The following SYNPR variants were observed in gnomAD, a reference collection of about 807,000 sequenced individuals.
SYNPR encodes the protein synaptoporin.
SYNPR carries 23 observed loss-of-function variants against 32.9 expected under a neutral mutation model. The observed-to-expected ratio is 0.70, with a 90% CI of 0.50 to 0.99. SYNPR has a LOEUF of 0.99. Ranked by LOEUF, SYNPR falls within the 50% of genes least tolerant of loss-of-function variation. The pLI is 0.00. For missense variants in SYNPR, 318 were observed against 349.3 expected (o/e 0.91, Z 0.71); for synonymous variants, 146 against 135.9 (o/e 1.07, Z -0.52).
intron 2 of SYNPR, among the ~76,000 whole-genome samples, chr3:63,401,739 G>A (rs546168949): frequency 2.6e-5 from 4 of 152,266 alleles, no homozygotes; most frequent in African/African-American, 9.6e-5. Context: ...TATTCTTGAT[G>A]GACATCACTA....
intron 2 of SYNPR, among the ~76,000 whole-genome samples, chr3:63,391,191 A>G (rs1003437039): frequency 6.6e-6 from 1 of 151,862 alleles, no homozygotes; most frequent in African/African-American, 2.4e-5. Context: ...GCTATCTACC[A>G]CTCATCCTTC....
rs1460073596 is a variant in SYNPR at position 63,450,959 on chromosome 3, C to A, written c.85-29873C>A. On this transcript the variant is annotated intron_variant, in intron 2 of 5. Coordinates refer to ENST00000478300, the MANE Select transcript of SYNPR (RefSeq NM_001130003.2). ...TTCCCAAAAAGAAAACTATCTTCTA[C>A]CTGCATTGCCTCAGAGCACTCAAAC... Among the ~76,000 whole-genome samples the A allele has an allele frequency of 2.0e-5, 3 of 152,296 alleles. No individual in the cohort carries two copies. In the East Asian group the frequency reaches 5.8e-4, roughly 29 times the overall value.
intron 4 of SYNPR, among the ~76,000 whole-genome samples, chr3:63,584,633 G>A (rs1703151012): frequency 6.6e-6 from 1 of 152,064 alleles, no homozygotes; most frequent in Admixed American, 6.6e-5. Flanking sequence ...TTGAAATCGG[G>A]TCCGTGGGTA....
At chr3:63,367,659 C>T (rs984762870) in intron 2 of SYNPR, among the ~76,000 whole-genome samples, 1 of 152,124 alleles carries the variant, frequency 6.6e-6, no homozygotes, top group African/African-American at 2.4e-5. Context: ...TGCATCTGGC[C>T]TTGAATTATA....
intron 2 of SYNPR, chr3:63,443,396 C>A: frequency 6.3e-7 from 1 of 1,589,630 alleles, no homozygotes; most frequent in Non-Finnish European, 8.6e-7. Flanking sequence ...TATGAGACAA[C>A]CTCTATTTTC....
At chr3:63,294,461 T>A (rs2106934244) in intron 2 of SYNPR, among the ~76,000 whole-genome samples, 1 of 152,344 alleles carries the variant, frequency 6.6e-6, no homozygotes, top group East Asian at 1.9e-4. Context: ...TTGGAAATAT[T>A]TTAATGAACA....
intron 2 of SYNPR, among the ~76,000 whole-genome samples, chr3:63,449,556 A>C (rs186735712): frequency 6.6e-6 from 1 of 152,178 alleles, no homozygotes; most frequent in African/African-American, 2.4e-5. Flanking sequence ...ACCACCAGAC[A>C]TTGCCAAATT....
intron 1 of SYNPR, among the ~76,000 whole-genome samples, chr3:63,229,980 C>T (rs1319569590): frequency 6.6e-6 from 1 of 152,062 alleles, no homozygotes; most frequent in African/African-American, 2.4e-5. Context: ...TCATGTACTA[C>T]CTAGAATCAA....
Position 63,375,270 on chromosome 3 carries a change from A to G in SYNPR, c.84+96528A>G, listed in dbSNP as rs190564354. On this transcript the variant is annotated intron_variant, in intron 2 of 5. Coordinates refer to ENST00000478300, the MANE Select transcript of SYNPR (RefSeq NM_001130003.2). ...CATGCTACTATAAAGACACATGCAC[A>G]CGTATGTTTACTGCAGCACTATTCA... 1.4e-3 allele frequency among the ~76,000 whole-genome samples: 206 copies of G among 152,312 alleles called. 3 individuals are homozygous for G. The highest frequency in any genetic ancestry group is 0.01 in the Middle Eastern group (3 of 294).
chr3:63,344,322 G>T (rs1233031196), intron 2 of SYNPR, among the ~76,000 whole-genome samples: 4 of 152,140 alleles, frequency 2.6e-5, no homozygotes, highest in Admixed American at 1.3e-4. Flanking sequence ...TAGGAAGGAG[G>T]CAGCCCTAGA....
intron 2 of SYNPR, among the ~76,000 whole-genome samples, chr3:63,388,379 C>CTTTTT (rs144044254): frequency 1.2e-5 from 1 of 83,596 alleles, no homozygotes; most frequent in East Asian, 4.1e-4. Context: ...GTTTGGAGCT[C>CTTTTT]TTTTTTTTTT....
chr3:63,575,884 T>C (rs1012210091), intron 4 of SYNPR, among the ~76,000 whole-genome samples: 4 of 152,216 alleles, frequency 2.6e-5, no homozygotes, highest in African/African-American at 9.6e-5. Flanking sequence ...TTTCCTTTTA[T>C]GCTAAACTCT....
intron 2 of SYNPR, among the ~76,000 whole-genome samples, chr3:63,414,009 C>CAT (rs965536250): frequency 7.8e-4 from 117 of 149,254 alleles, no homozygotes; most frequent in East Asian, 1.6e-3. Context: ...AATATATATA[C>CAT]ATATATATAT....
chr3:63,528,035 C>T (rs1702047052), intron 3 of SYNPR, among the ~76,000 whole-genome samples: 2 of 152,160 alleles, frequency 1.3e-5, no homozygotes, highest in South Asian at 2.1e-4. Context: ...GCTGGTCTCT[C>T]ACCTCCTTCC....
intron 3 of SYNPR, among the ~76,000 whole-genome samples, chr3:63,524,657 G>A (rs544225644): frequency 6.6e-6 from 1 of 152,092 alleles, no homozygotes; most frequent in Admixed American, 6.5e-5. Context: ...AACACTGAGG[G>A]GTGTCATCCT....
intron 2 of SYNPR, chr3:63,445,584 C>T (rs1700261360): frequency 1.4e-6 from 1 of 700,644 alleles, no homozygotes; most frequent in Admixed American, 2.0e-5. Flanking sequence ...TTAGTAAGTA[C>T]ATCCTATATG....
At chr3:63,252,334 G>C (rs1300261673) in intron 1 of SYNPR, among the ~76,000 whole-genome samples, 1 of 151,944 alleles carries the variant, frequency 6.6e-6, no homozygotes, top group Admixed American at 6.6e-5. Flanking sequence ...TATCCTTCTT[G>C]TCTTTACATC....
intron 4 of SYNPR, among the ~76,000 whole-genome samples, chr3:63,600,284 G>A (rs1700020186): frequency 6.6e-6 from 1 of 152,168 alleles, no homozygotes; most frequent in South Asian, 2.1e-4. Context: ...CAGTTCTGGA[G>A]AGCTTCTGAT....
At chr3:63,223,223 C>T in the SYNPR span, among the ~76,000 whole-genome samples, 1 of 151,856 alleles carries the variant, frequency 6.6e-6, no homozygotes, top group Non-Finnish European at 1.5e-5. Context: ...AAAGTTTACT[C>T]TTCTCTGGCC....
Sources: gnomAD v4.1 joint callset for allele counts (sites outside exome capture counted in the v4.1 genomes callset) on GRCh38, gnomAD v4.1.1 for gene constraint, MANE v1.5 for transcripts, NCBI Gene and HGNC (gene_info 2026-07-23, HGNC 2026-07-21) for gene names.